The following NCKAP5 variants were observed in gnomAD, a reference collection of about 807,000 sequenced individuals.
NCKAP5 encodes nck-associated protein 5.
Under a neutral mutation model 167.0 loss-of-function variants are expected in NCKAP5, and 92 were observed. The observed-to-expected ratio is 0.55, with a 90% confidence interval of 0.47 to 0.66. NCKAP5 has a LOEUF of 0.66. NCKAP5 is among the 30% of genes least tolerant of loss of function. NCKAP5 has a pLI of 0.00. For missense variants in NCKAP5, 2,378 were observed against 2,315.0 expected, an observed-to-expected ratio of 1.03 and a Z score of -0.56; for synonymous variants, 891 against 877.4, an observed-to-expected ratio of 1.02 and a Z score of -0.27.
intron 3 of NCKAP5, among the ~76,000 whole-genome samples, chr2:133,441,690 C>G (rs1476252115): frequency 6.6e-6 from 1 of 152,158 alleles, no homozygotes; most frequent in East Asian, 1.9e-4. Context: ...TATTTAAATT[C>G]TTTGAAATAG....
chr2:132,919,786 C>G (rs1166187676), intron 8 of NCKAP5, among the ~76,000 whole-genome samples: 1 of 152,162 alleles, frequency 6.6e-6, no homozygotes, highest in East Asian at 1.9e-4. Flanking sequence ...GATGCATCAA[C>G]TCTAGGGAAA....
chr2:133,056,759 T>A (rs2149500792), intron 6 of NCKAP5, among the ~76,000 whole-genome samples: 1 of 152,344 alleles, frequency 6.6e-6, no homozygotes, highest in Admixed American at 6.5e-5. Flanking sequence ...CCGTCATAAC[T>A]TTTTTGAAGA....
At chr2:133,178,591 C>T (rs564296378) in intron 5 of NCKAP5, among the ~76,000 whole-genome samples, 189 of 148,184 alleles carry the variant, frequency 1.3e-3, no homozygotes, top group African/African-American at 3.9e-3. Context: ...TTTGGGAGGC[C>T]GATGCGGGCG....
chr2:133,465,054 T>C (rs866581230), intron 3 of NCKAP5, among the ~76,000 whole-genome samples: 2 of 151,768 alleles, frequency 1.3e-5, no homozygotes, highest in African/African-American at 4.8e-5. Flanking sequence ...CATGTGCACA[T>C]TGTGCAGGTT....
At chr2:133,031,953 C>T (rs1274239020) in intron 6 of NCKAP5, among the ~76,000 whole-genome samples, 1 of 152,092 alleles carries the variant, frequency 6.6e-6, no homozygotes, top group African/African-American at 2.4e-5. Context: ...TCCTGAATAA[C>T]CAGCAGTGAT....
chr2:132,876,723 G>T (rs1237433722), intron 9 of NCKAP5, among the ~76,000 whole-genome samples: 1 of 152,202 alleles, frequency 6.6e-6, no homozygotes, highest in African/African-American at 2.4e-5. Context: ...TTTGGCAACA[G>T]TTAATTTTTG....
intron 7 of NCKAP5, among the ~76,000 whole-genome samples, chr2:132,981,095 A>G (rs1392089660): frequency 1.3e-5 from 2 of 152,222 alleles, no homozygotes; most frequent in Non-Finnish European, 2.9e-5. Context: ...CCTACCAAAT[A>G]AAACACAGAA....
chr2:133,160,413 T>TC (rs2083740074), intron 5 of NCKAP5, among the ~76,000 whole-genome samples: 1 of 142,566 alleles, frequency 7.0e-6, no homozygotes, highest in African/African-American at 2.7e-5. Flanking sequence ...ACATTCTTTT[T>TC]TTTTTTTTTC....
intron 11 of NCKAP5, among the ~76,000 whole-genome samples, chr2:132,828,438 C>T (rs1687287009): frequency 6.6e-6 from 1 of 152,086 alleles, no homozygotes; most frequent in South Asian, 2.1e-4. Flanking sequence ...AGCACCTCCC[C>T]CTTCTCTCTC....
intron 11 of NCKAP5, among the ~76,000 whole-genome samples, chr2:132,801,885 G>C (rs544584857): frequency 6.6e-6 from 1 of 152,196 alleles, no homozygotes; most frequent in African/African-American, 2.4e-5. Flanking sequence ...GGTAGTGACT[G>C]ACTCTGCAGC....
chr2:133,016,998 T>A (rs1336326486), intron 6 of NCKAP5, among the ~76,000 whole-genome samples: 1 of 152,236 alleles, frequency 6.6e-6, no homozygotes, highest in South Asian at 2.1e-4. Context: ...TAGCCCATTG[T>A]TAACTGATTG....
At chr2:132,741,799 C>T (rs902600555) in intron 16 of NCKAP5, among the ~76,000 whole-genome samples, 8 of 152,110 alleles carry the variant, frequency 5.3e-5, no homozygotes, top group African/African-American at 1.4e-4. Context: ...TCCACCTTTT[C>T]GCACTGTTAT....
chr2:133,234,741 G>T (rs928374064), intron 4 of NCKAP5, among the ~76,000 whole-genome samples: 2 of 151,778 alleles, frequency 1.3e-5, no homozygotes, highest in African/African-American at 4.8e-5. Context: ...ACAAGAGAAG[G>T]CTTTATGTCA....
intron 8 of NCKAP5, among the ~76,000 whole-genome samples, chr2:132,903,439 T>A (rs1166386554): frequency 1.3e-5 from 2 of 152,230 alleles, no homozygotes; most frequent in Admixed American, 1.3e-4. Context: ...ATAAGCATTA[T>A]CATTTAATCT....
chr2:133,032,372 A>G (rs939476943), intron 6 of NCKAP5, among the ~76,000 whole-genome samples: 5 of 152,108 alleles, frequency 3.3e-5, no homozygotes, highest in Non-Finnish European at 7.4e-5. Context: ...TGAGGCTCCT[A>G]TGGATTTGGA....
At chr2:133,062,366 T>A (rs1426988767) in intron 6 of NCKAP5, among the ~76,000 whole-genome samples, 1 of 152,218 alleles carries the variant, frequency 6.6e-6, no homozygotes, top group African/African-American at 2.4e-5. Context: ...TGGCGACATA[T>A]GGTGAGTCAT....
At chr2:133,153,833 C>CTTTTTTTTTTTTT (rs570596198) in intron 5 of NCKAP5, among the ~76,000 whole-genome samples, 1 of 109,764 alleles carries the variant, frequency 9.1e-6, no homozygotes, top group African/African-American at 3.7e-5. Context: ...GTTCCTCCTT[C>CTTTTTTTTTTTTT]TTTTTTTTTT....
At chr2:133,328,739 A>C (rs541401367) in intron 3 of NCKAP5, among the ~76,000 whole-genome samples, 1 of 152,308 alleles carries the variant, frequency 6.6e-6, no homozygotes, top group South Asian at 2.1e-4. Flanking sequence ...ATAATGAAAA[A>C]AATATATAAA....
intron 16 of NCKAP5, among the ~76,000 whole-genome samples, chr2:132,749,983 G>A (rs773047539): frequency 1.3e-5 from 2 of 151,160 alleles, no homozygotes; most frequent in Non-Finnish European, 3.0e-5. Context: ...GTAAGGGAAG[G>A]CAAAAATCAG....
Sources: gnomAD v4.1 joint callset for allele counts (sites outside exome capture counted in the v4.1 genomes callset) on GRCh38, gnomAD v4.1.1 for gene constraint, MANE v1.5 for transcripts, NCBI Gene and HGNC (gene_info 2026-07-23, HGNC 2026-07-21) for gene names.